The following SPOCK3 variants were observed in gnomAD, a reference collection of about 807,000 sequenced individuals.
The protein encoded by SPOCK3 is testican-3.
A neutral mutation model predicts 56.6 loss-of-function variants in SPOCK3; 30 were observed. The observed-to-expected ratio is 0.53, with a 90% CI of 0.40 to 0.72. The LOEUF (loss-of-function observed/expected upper bound fraction) is 0.72, where lower values mean the gene tolerates loss of function less well. Ranked by LOEUF, SPOCK3 falls within the 30% of genes least tolerant of loss-of-function variation. SPOCK3 has a pLI of 0.00. For synonymous variants in SPOCK3, 196 were observed against 183.3 expected (o/e 1.07, Z -0.56); for missense variants, 527 against 530.0 (o/e 0.99, Z 0.06).
intron 8 of SPOCK3, among the ~76,000 whole-genome samples, chr4:166,750,324 T>C (rs932441489): frequency 6.6e-6 from 1 of 152,010 alleles, no homozygotes; most frequent in Non-Finnish European, 1.5e-5. Flanking sequence ...TTGGACAGAA[T>C]CAGACTATTA....
intron 4 of SPOCK3, among the ~76,000 whole-genome samples, chr4:166,959,306 G>A (rs1204946396): frequency 2.0e-5 from 3 of 152,048 alleles, no homozygotes; most frequent in Admixed American, 2.0e-4. Flanking sequence ...GGTTAACTGG[G>A]TAGGTGAGCT....
intron 3 of SPOCK3, chr4:167,011,102 A>G: frequency 4.0e-6 from 1 of 250,036 alleles, no homozygotes; most frequent in South Asian, 4.4e-5. Flanking sequence ...TGAAACAGAA[A>G]AAAAAAGAGA....
intron 2 of SPOCK3, among the ~76,000 whole-genome samples, chr4:167,150,116 A>G (rs947033459): frequency 2.6e-5 from 4 of 152,308 alleles, no homozygotes; most frequent in African/African-American, 4.8e-5. Context: ...TAGATATTCC[A>G]TAACTGTTCA....
chr4:167,076,103 A>G (rs1757155576), intron 2 of SPOCK3, among the ~76,000 whole-genome samples: 1 of 151,924 alleles, frequency 6.6e-6, no homozygotes, highest in South Asian at 2.1e-4. Context: ...AAAAGGTAAA[A>G]CTATGGAGGC....
intron 7 of SPOCK3, among the ~76,000 whole-genome samples, chr4:166,767,139 G>A (rs1462464986): frequency 6.6e-6 from 1 of 152,022 alleles, no homozygotes; most frequent in East Asian, 1.9e-4. Flanking sequence ...CAAAAAACCA[G>A]CTTCTGGATT....
chr4:167,164,436 T>A (rs1048255152), intron 2 of SPOCK3, among the ~76,000 whole-genome samples: 9 of 152,248 alleles, frequency 5.9e-5, no homozygotes, highest in East Asian at 1.9e-4. Context: ...TTCTTTTTTT[T>A]AATTTTACTT....
intron 3 of SPOCK3, among the ~76,000 whole-genome samples, chr4:167,027,366 C>T (rs991718745): frequency 3.3e-5 from 5 of 151,962 alleles, no homozygotes; most frequent in African/African-American, 4.8e-5. Context: ...ACAACCTCAT[C>T]GTACCTGATA....
At chr4:167,169,397 C>G (rs1025356366) in intron 2 of SPOCK3, among the ~76,000 whole-genome samples, 1 of 152,190 alleles carries the variant, frequency 6.6e-6, no homozygotes, top group Non-Finnish European at 1.5e-5. Context: ...ATCAGCATGA[C>G]CTGGATGTGT....
chr4:167,030,364 T>A (rs1255865043), intron 3 of SPOCK3, among the ~76,000 whole-genome samples: 1 of 152,102 alleles, frequency 6.6e-6, no homozygotes, highest in Non-Finnish European at 1.5e-5. Context: ...GATTACCATA[T>A]TTTGTTCAAT....
intron 2 of SPOCK3, among the ~76,000 whole-genome samples, chr4:167,064,230 A>G (rs1453538928): frequency 6.6e-6 from 1 of 151,850 alleles, no homozygotes; most frequent in Non-Finnish European, 1.5e-5. Flanking sequence ...AAACAAAAAG[A>G]AAAAAATGAC....
At chr4:166,868,330 C>G (rs778020233) in intron 6 of SPOCK3, among the ~76,000 whole-genome samples, 8 of 151,264 alleles carry the variant, frequency 5.3e-5, no homozygotes, top group Non-Finnish European at 8.8e-5. Context: ...CATGGGGGCA[C>G]AGGCCTGCAA....
At chr4:166,766,996 T>C (rs374318858) in intron 7 of SPOCK3, among the ~76,000 whole-genome samples, 5 of 152,082 alleles carry the variant, frequency 3.3e-5, no homozygotes, top group South Asian at 2.1e-4. Context: ...ATAGTATTCT[T>C]TGATGGTAGT....
At chr4:166,851,534 A>C (rs1439739408) in intron 6 of SPOCK3, among the ~76,000 whole-genome samples, 6 of 152,358 alleles carry the variant, frequency 3.9e-5, no homozygotes, top group Admixed American at 3.3e-4. Flanking sequence ...TACAGGAGGA[A>C]ATTCAAACCA....
In SPOCK3 at chr4:167,163,166, AT is replaced by A. The variant is rs560014140; in HGVS notation, c.189+70818del. Among the ~76,000 whole-genome samples, 670 of 127,850 alleles carry A rather than the reference AT, an allele frequency of 5.2e-3. 4 individuals are homozygous for A. Among genetic ancestry groups the A allele is most frequent in the African/African-American group, 0.012 (411 of 33,740 alleles). The allele number at this position is 127,850 out of a possible 152,430, so 83.9% of individuals were successfully genotyped here. On this transcript the variant is annotated intron_variant, in intron 2 of 10. Transcript: ENST00000357545. Reference sequence around the variant, plus strand: ...AAAACATAGGTTTTTTTGTTGGGGGATTTTTTTTTTTTTTTTTTGCCAAACC... The same window carrying A: ...AAAACATAGGTTTTTTTGTTGGGGGATTTTTTTTTTTTTTTTTGCCAAACC...
chr4:166,837,521 C>T (rs1421093542), intron 6 of SPOCK3, among the ~76,000 whole-genome samples: 1 of 152,084 alleles, frequency 6.6e-6, no homozygotes, highest in East Asian at 1.9e-4. Context: ...TACAAAGCAT[C>T]AATAGATTGC....
At chr4:167,167,563 ATTAG>A (rs970273378) in intron 2 of SPOCK3, among the ~76,000 whole-genome samples, 40 of 152,290 alleles carry the variant, frequency 2.6e-4, no homozygotes, top group African/African-American at 3.6e-4. Context: ...ATGAAGGAAA[ATTAG>A]TTAGTATCTT....
intron 6 of SPOCK3, among the ~76,000 whole-genome samples, chr4:166,803,435 T>C (rs909026453): frequency 6.6e-6 from 1 of 152,132 alleles, no homozygotes; most frequent in African/African-American, 2.4e-5. Context: ...TGATTCATTA[T>C]GTTCTGACAG....
chr4:167,036,435 A>T (rs1752761961), intron 3 of SPOCK3, among the ~76,000 whole-genome samples: 1 of 152,188 alleles, frequency 6.6e-6, no homozygotes. Context: ...ACCAAAAATA[A>T]CTTTTAGTCC....
intron 4 of SPOCK3, among the ~76,000 whole-genome samples, chr4:166,975,339 T>C (rs1252690006): frequency 1.3e-5 from 2 of 152,162 alleles, no homozygotes; most frequent in Non-Finnish European, 2.9e-5. Context: ...TAACTACATA[T>C]GTATCTTTTA....
Sources: allele counts gnomAD v4.1 joint callset (sites outside exome capture counted in the v4.1 genomes callset), GRCh38; gene constraint gnomAD v4.1.1; transcripts MANE v1.5; gene names NCBI Gene and HGNC (gene_info 2026-07-23, HGNC 2026-07-21).